ANKIB1: variants seen among roughly 807,000 people sequenced by gnomAD.
ANKIB1 encodes the protein ankyrin repeat and IBR domain containing 1, also known as ankyrin repeat and IBR domain-containing protein 1.
A neutral mutation model predicts 122.1 loss-of-function variants in ANKIB1; 43 were observed. The observed-to-expected ratio is 0.35, with a 90% CI of 0.28 to 0.45. The LOEUF is 0.45. Among genes scored for constraint, ANKIB1 ranks in the 20% least tolerant of loss-of-function variants. The probability of loss-of-function intolerance (pLI) is 1.00; values close to 1 mark genes in which losing one functional copy is unlikely to be tolerated. For missense variants in ANKIB1, 992 were observed against 1,329.5 expected (o/e 0.75, Z 3.95); for synonymous variants, 390 against 442.0 (o/e 0.88, Z 1.48).
chr7:92,269,661 A>G (rs1801741720), intron 1 of ANKIB1, among the ~76,000 whole-genome samples: 1 of 152,108 alleles, frequency 6.6e-6, no homozygotes, highest in South Asian at 2.1e-4. Context: ...TGATTCATTG[A>G]TACCTTCCAA....
chr7:92,348,384 AC>A (rs968594323), intron 7 of ANKIB1, among the ~76,000 whole-genome samples: 1 of 145,150 alleles, frequency 6.9e-6, no homozygotes, highest in Non-Finnish European at 1.5e-5. Flanking sequence ...AGTCTTTAAG[AC>A]TTTTTTTTTT....
At chr7:92,385,551 A>G (rs1659108136) in intron 11 of ANKIB1, among the ~76,000 whole-genome samples, 1 of 152,264 alleles carries the variant, frequency 6.6e-6, no homozygotes, top group Non-Finnish European at 1.5e-5. Flanking sequence ...CTATGTAGCC[A>G]TAAAAAAAGA....
chr7:92,319,508 G>T lies in ANKIB1; in HGVS notation c.665G>T (p.Arg222Leu). ...GCTGAATATGCTGCATTAGACAAAC[G>T]AGAGGTCAGTTTATTTTTTCTTCTC... ...IEAEYAALDK[R>L]EPYEGLRPQD... The change falls in exon 4 of 20, where the codon CGA (arginine) becomes CTA (leucine). Residue 222 changes from arginine to leucine, a missense_variant. Physicochemically the swap from Arg to Leu is moderately radical, Grantham distance 102. This residue lies in a region of ANKIB1 where 521 missense variants were observed against 777.7 expected (regional missense o/e 0.67). Coordinates refer to ENST00000265742, the MANE Select transcript of ANKIB1 (RefSeq NM_019004.2). 2 of 1,597,938 alleles carry T rather than the reference G, an allele frequency of 1.3e-6. No individual in the cohort carries two copies. Among genetic ancestry groups the T allele is most frequent in the Non-Finnish European group, 1.7e-6 (2 of 1,176,158 alleles).
chr7:92,366,907 A>G (rs1246175527), intron 10 of ANKIB1, among the ~76,000 whole-genome samples: 1 of 152,302 alleles, frequency 6.6e-6, no homozygotes, highest in African/African-American at 2.4e-5. Flanking sequence ...CCCTTACCAT[A>G]TTAAAATTGG....
Position 92,352,494 on chromosome 7 carries a change from C to A in ANKIB1, c.1249C>A (p.Pro417Thr). ...FDIKAFVENN[P>T]AIKWCPTPGC... is the part of the protein sequence containing the mutation. Reference sequence around the variant, plus strand: ...TAAACAGGCCTTTGTTGAAAATAATCCTGCCATTAAATGGTGTCCTACTCC... The same window carrying A: ...TAAACAGGCCTTTGTTGAAAATAATACTGCCATTAAATGGTGTCCTACTCC... The change falls in exon 9 of 20, where the codon CCT becomes ACT. Residue 417 changes from proline (P) to threonine (T), a missense_variant. This residue lies in a region of ANKIB1 where 521 missense variants were observed against 777.7 expected (regional missense o/e 0.67). Coordinates refer to ENST00000265742, the MANE Select transcript of ANKIB1 (RefSeq NM_019004.2). 1.2e-6 allele frequency: 2 copies of A among 1,612,564 alleles called. No individual in the cohort carries two copies. The highest frequency in any genetic ancestry group is 1.1e-5 in the South Asian group (1 of 90,624).
intron 1 of ANKIB1, among the ~76,000 whole-genome samples, chr7:92,268,295 T>G (rs1801715310): frequency 6.6e-6 from 1 of 152,218 alleles, no homozygotes; most frequent in Admixed American, 6.5e-5. Context: ...AATTGGATTG[T>G]TCTTAATAGA....
intron 1 of ANKIB1, among the ~76,000 whole-genome samples, chr7:92,278,940 G>A (rs530339928): frequency 1.2e-3 from 182 of 152,314 alleles, no homozygotes; most frequent in Middle Eastern, 3.4e-3. Context: ...CAAGGCAAAA[G>A]CAGTGAGACA....
Position 92,343,183 on chromosome 7 carries a change from C to T in ANKIB1, c.947C>T (p.Thr316Ile). The change falls in exon 6 of 20, where the codon ACC (threonine) becomes ATC (isoleucine). Residue 316 changes from threonine to isoleucine, a missense_variant. Coordinates refer to ENST00000265742, the MANE Select transcript of ANKIB1 (RefSeq NM_019004.2). ...CCAAGGACTACACGCTCTTCTGTCA[C>T]CTCCCCAGATGAAATCAGCTTATCT... ...RTPRTTRSSV[T>I]SPDEISLSPG... is the part of the protein sequence containing the mutation. The T allele has an allele frequency of 6.2e-7, 1 of 1,613,960 alleles. No individual in the cohort carries two copies. The highest frequency in any genetic ancestry group is 8.5e-7 in the Non-Finnish European group (1 of 1,179,888).
rs34404682 is a variant in ANKIB1 at position 92,290,370 on chromosome 7, A to AGTGTGTGTGTGT, written c.-90-4496_-90-4485dup. Among the ~76,000 whole-genome samples, 221 of 141,404 alleles carry AGTGTGTGTGTGT rather than the reference A, an allele frequency of 1.6e-3. 2 individuals carry two copies. In the East Asian group the frequency reaches 0.023, roughly 15 times the overall value. The allele number at this position is 141,404 out of a possible 152,430, so 92.8% of individuals were successfully genotyped here. A position where few individuals can be genotyped will look rare whatever the true frequency, so the allele number is the denominator to read the frequency against. On this transcript the variant is annotated intron_variant, in intron 1 of 19. Transcript: ENST00000265742. ...AGACTAAATTGAGTATATGTATGAAAGTGTGTGTGTGTGTGTGTGTGTGTG... is the reference window on the plus strand; with the variant it reads ...AGACTAAATTGAGTATATGTATGAAAGTGTGTGTGTGTGTGTGTGTGTGTGTGTGTGTGTGTG...
Position 92,399,729 on chromosome 7 carries a change from T to A in ANKIB1, c.*780T>A, listed in dbSNP as rs1804978860. On this transcript the variant is annotated 3_prime_UTR_variant, in exon 20 of 20. Coordinates refer to ENST00000265742, the MANE Select transcript of ANKIB1 (RefSeq NM_019004.2). Reference sequence around the variant, plus strand: ...AGACTGCATTTATATAAATGTAGCCTGTAGCTTAAGTTAACTAAACCTAAT... The same window carrying A: ...AGACTGCATTTATATAAATGTAGCCAGTAGCTTAAGTTAACTAAACCTAAT... 6.6e-6 allele frequency: 1 copy of A among 152,234 alleles called. No homozygotes were observed. The highest frequency in any genetic ancestry group is 2.1e-4 in the South Asian group (1 of 4,832). The allele number at this position is 152,234 out of a possible 1,614,324, so 9.4% of individuals were successfully genotyped here. A position where few individuals can be genotyped will look rare whatever the true frequency, so the allele number is the denominator to read the frequency against.
intron 3 of ANKIB1, among the ~76,000 whole-genome samples, chr7:92,317,691 G>A (rs1802821211): frequency 6.6e-6 from 1 of 152,176 alleles, no homozygotes; most frequent in Non-Finnish European, 1.5e-5. Flanking sequence ...TTCCAGATCT[G>A]GCATTGATAT....
At chr7:92,295,375 T>C (rs2131920268) in intron 2 of ANKIB1, among the ~76,000 whole-genome samples, 2 of 152,296 alleles carry the variant, frequency 1.3e-5, no homozygotes, top group Admixed American at 1.3e-4. Flanking sequence ...ATTTTCTTTA[T>C]TATGATTTAG....
At chr7:92,292,500 T>C (rs1449766423) in intron 1 of ANKIB1, among the ~76,000 whole-genome samples, 3 of 152,180 alleles carry the variant, frequency 2.0e-5, no homozygotes, top group Non-Finnish European at 4.4e-5. Context: ...AAAGTAGTAA[T>C]ATAAATCTCA....
intron 1 of ANKIB1, among the ~76,000 whole-genome samples, chr7:92,253,072 C>G (rs1411047976): frequency 6.6e-6 from 1 of 152,146 alleles, no homozygotes; most frequent in Non-Finnish European, 1.5e-5. Flanking sequence ...AAAACACACA[C>G]TCATGTACAT....
At chr7:92,293,565 C>A (rs1373837981) in intron 1 of ANKIB1, among the ~76,000 whole-genome samples, 1 of 152,174 alleles carries the variant, frequency 6.6e-6, no homozygotes, top group East Asian at 1.9e-4. Flanking sequence ...CTGTTGTATT[C>A]TCTGCCTCTA....
chr7:92,282,657 T>C (rs1370736169), intron 1 of ANKIB1, among the ~76,000 whole-genome samples: 1 of 152,242 alleles, frequency 6.6e-6, no homozygotes, highest in African/African-American at 2.4e-5. Context: ...TGTAAGAGCT[T>C]GAAATGTTTA....
intron 1 of ANKIB1, among the ~76,000 whole-genome samples, chr7:92,263,738 A>T (rs887093995): frequency 6.6e-6 from 1 of 152,206 alleles, no homozygotes; most frequent in South Asian, 2.1e-4. Flanking sequence ...ATCAAAATAC[A>T]TACATACATA....
At chr7:92,296,592 T>C (rs767876551) in intron 2 of ANKIB1, among the ~76,000 whole-genome samples, 2 of 152,214 alleles carry the variant, frequency 1.3e-5, no homozygotes, top group Admixed American at 6.5e-5. Flanking sequence ...TAAAAAACTT[T>C]TAAGGCTCTT....
At chr7:92,359,003 T>TA (rs1455827241) in intron 9 of ANKIB1, among the ~76,000 whole-genome samples, 4 of 152,212 alleles carry the variant, frequency 2.6e-5, no homozygotes, top group Non-Finnish European at 5.9e-5. Context: ...AATTAACAGT[T>TA]ATCACAGGTA....
Sources: allele counts gnomAD v4.1 joint callset (sites outside exome capture counted in the v4.1 genomes callset), GRCh38; gene constraint gnomAD v4.1.1; regional missense constraint gnomAD v4.1.1; transcripts MANE v1.5; gene names NCBI Gene and HGNC (gene_info 2026-07-23, HGNC 2026-07-21).